Variants in NEK10 observed in about 807,000 individuals in gnomAD.
NEK10 encodes the protein serine/threonine-protein kinase Nek10.
In NEK10, 122 loss-of-function variants were observed where a neutral mutation model predicts 159.8. The ratio of observed to expected loss-of-function variants is 0.76; its 90% CI spans 0.66 to 0.89. The LOEUF is 0.89. NEK10 is among the 40% of genes least tolerant of loss of function. NEK10 has a pLI of 0.00. For missense variants in NEK10, 1,342 were observed against 1,323.1 expected (o/e 1.01, Z -0.22); for synonymous variants, 466 against 457.1 (o/e 1.02, Z -0.25).
chr3:27,304,666 C>A, intron 12 of NEK10, 81 bp downstream of exon 12: 1 of 866,950 alleles, frequency 1.2e-6, no homozygotes, highest in Non-Finnish European at 1.9e-6. Flanking sequence ...TGAGGTGACA[C>A]ACACCAATCT....
chr3:27,201,411 C>CT, intron 25 of NEK10, 99 bp downstream of exon 25: 1 of 1,026,698 alleles, frequency 9.7e-7, no homozygotes, highest in Non-Finnish European at 1.5e-6. Flanking sequence ...TGTAGGGACT[C>CT]TTTCTCTTCA....
At position 27,119,233 on chromosome 3, in the gene NEK10, T is replaced by C. The variant is rs768539545; in HGVS notation, c.3190+527A>G. 2.6e-5 allele frequency among the ~76,000 whole-genome samples: 4 copies of C among 152,238 alleles called. No individual in the cohort carries two copies. The East Asian group carries it at 5.8e-4, about 22-fold the overall frequency. On this transcript the variant is annotated intron_variant, in intron 33 of 35. Coordinates refer to ENST00000691995, the MANE Select transcript of NEK10 (RefSeq NM_001394966.1). The stretch of plus-strand genomic sequence containing the variant: ...TTCAGAGAGGTTAAATAGTTGTCCA[T>C]AGTCAGCTACTAAATGGTTTAGCCA...
At chr3:27,142,417 T>C (rs1943874339) in intron 30 of NEK10, among the ~76,000 whole-genome samples, 1 of 152,126 alleles carries the variant, frequency 6.6e-6, no homozygotes, top group African/African-American at 2.4e-5. Flanking sequence ...ATTATCTTCC[T>C]TCCTTTCTCT....
intron 35 of NEK10, among the ~76,000 whole-genome samples, chr3:27,112,365 T>C (rs1246289611): frequency 1.3e-5 from 2 of 152,238 alleles, no homozygotes; most frequent in African/African-American, 4.8e-5. Flanking sequence ...CTAGATGATG[T>C]GTGTACTATT....
At chr3:27,327,359 G>A (rs1312450223) in intron 5 of NEK10, among the ~76,000 whole-genome samples, 1 of 152,192 alleles carries the variant, frequency 6.6e-6, no homozygotes, top group Non-Finnish European at 1.5e-5. Context: ...TTCATGAGCG[G>A]GCAAATATTT....
chr3:27,149,281 C>T (rs565941153), intron 30 of NEK10, among the ~76,000 whole-genome samples: 44 of 152,144 alleles, frequency 2.9e-4, no homozygotes, highest in Non-Finnish European at 5.0e-4. Flanking sequence ...AGGGCCTGAT[C>T]TCAGAGGAAA....
At position 27,157,378 on chromosome 3, in the gene NEK10, T is replaced by C. The variant is rs575222996; in HGVS notation, c.2869+5323A>G. ...AACAGTAACAGGAGTTTGGAAGAAGTTGGTTCCAACTCTCATGGATGACTT... is the reference window on the plus strand; with the variant it reads ...AACAGTAACAGGAGTTTGGAAGAAGCTGGTTCCAACTCTCATGGATGACTT... On this transcript the variant is annotated intron_variant, in intron 30 of 35. Transcript: ENST00000691995. Among the ~76,000 whole-genome samples, 14 of 152,250 alleles carry C rather than the reference T, an allele frequency of 9.2e-5. No homozygotes were observed. In the South Asian group the frequency reaches 2.9e-3, roughly 32 times the overall value.
At chr3:27,295,586 C>T (rs775257171) in intron 15 of NEK10, 27 bp downstream of exon 15, 2 of 1,540,010 alleles carry the variant, frequency 1.3e-6, no homozygotes, top group African/African-American at 1.4e-5. Flanking sequence ...TAACTTGATA[C>T]TGAAGGACAA....
chr3:27,282,561 C>T (rs866746949), intron 22 of NEK10, among the ~76,000 whole-genome samples: 1,411 of 98,128 alleles, frequency 0.014, 24 homozygotes, highest in African/African-American at 0.063. Flanking sequence ...TATATATATA[C>T]ATAACTGTGT....
chr3:27,366,807 A>AT (rs3060370), intron 1 of NEK10, among the ~76,000 whole-genome samples: 19,491 of 109,540 alleles, frequency 0.18, 2,032 homozygotes, highest in Non-Finnish European at 0.21. Flanking sequence ...CAGTGTGTTC[A>AT]TTTTTTTTTT....
At chr3:27,113,830 T>G (rs1025128059) in intron 35 of NEK10, among the ~76,000 whole-genome samples, 3 of 152,236 alleles carry the variant, frequency 2.0e-5, no homozygotes, top group African/African-American at 7.2e-5. Flanking sequence ...AAGAGCTTCC[T>G]TAAGTTCCTT....
intron 5 of NEK10, among the ~76,000 whole-genome samples, chr3:27,335,823 G>C (rs1012466720): frequency 2.0e-5 from 3 of 152,108 alleles, no homozygotes; most frequent in Non-Finnish European, 4.4e-5. Flanking sequence ...AATGAATGTG[G>C]AAACACGACA....
chr3:27,193,595 G>T, intron 25 of NEK10, among the ~76,000 whole-genome samples: 1 of 111,054 alleles, frequency 9.0e-6, no homozygotes, highest in Admixed American at 1.1e-4. Context: ...TATTCCATAT[G>T]CTTGATTTTT....
intron 13 of NEK10, among the ~76,000 whole-genome samples, chr3:27,299,586 C>G (rs1260845116): frequency 6.6e-6 from 1 of 152,160 alleles, no homozygotes; most frequent in Non-Finnish European, 1.5e-5. Context: ...AATGGCAGAT[C>G]CACTGACAAG....
chr3:27,331,760 T>C (rs2046436842), intron 5 of NEK10, among the ~76,000 whole-genome samples: 1 of 152,190 alleles, frequency 6.6e-6, no homozygotes, highest in African/African-American at 2.4e-5. Flanking sequence ...TTTATGATAA[T>C]TTCTAATAAC....
intron 22 of NEK10, among the ~76,000 whole-genome samples, chr3:27,259,124 T>A (rs556480846): frequency 6.6e-6 from 1 of 152,306 alleles, no homozygotes; most frequent in East Asian, 1.9e-4. Context: ...ATTAGCCCTT[T>A]GTCAGATGAG....
intron 23 of NEK10, among the ~76,000 whole-genome samples, chr3:27,203,109 C>T (rs559025874): frequency 2.0e-5 from 3 of 152,184 alleles, no homozygotes; most frequent in African/African-American, 7.2e-5. Context: ...TAGCTTCCAC[C>T]CTTGCAGCCT....
intron 23 of NEK10, among the ~76,000 whole-genome samples, chr3:27,254,071 G>A (rs568136292): frequency 2.6e-5 from 4 of 152,080 alleles, no homozygotes; most frequent in South Asian, 2.1e-4. Flanking sequence ...CATCCGGTGC[G>A]CAGGGCAACT....
intron 23 of NEK10, among the ~76,000 whole-genome samples, chr3:27,255,674 C>A (rs528735452): frequency 6.6e-6 from 1 of 152,232 alleles, no homozygotes; most frequent in Admixed American, 6.5e-5. Context: ...TAATTAATGG[C>A]TTGCAAAGGA....
Sources: gnomAD v4.1 joint callset for allele counts (sites outside exome capture counted in the v4.1 genomes callset) on GRCh38, gnomAD v4.1.1 for gene constraint, MANE v1.5 for transcripts, NCBI Gene and HGNC (gene_info 2026-07-23, HGNC 2026-07-21) for gene names.